OMA1: variants seen among roughly 807,000 people sequenced by gnomAD.
The protein encoded by OMA1 is metalloendopeptidase OMA1, mitochondrial.
OMA1 carries 38 observed loss-of-function variants against 30.9 expected under a neutral mutation model. The observed-to-expected ratio is 1.23, with a 90% CI of 0.95 to 1.61. OMA1 has a LOEUF of 1.61. Among genes scored for constraint, OMA1 ranks in the 40% most tolerant of loss-of-function variants. OMA1 has a pLI of 0.00. For synonymous variants in OMA1, 173 were observed against 121.9 expected (o/e 1.42, Z -2.76); for missense variants, 461 against 349.2 (o/e 1.32, Z -2.55).
rs1199111859 is a variant in OMA1 at position 58,530,625 on chromosome 1, C to G, written c.1116G>C (p.Gln372His). 1 of 872,710 alleles carries G rather than the reference C, an allele frequency of 1.1e-6. No individual in the cohort carries two copies. Among genetic ancestry groups the G allele is most frequent in the Non-Finnish European group, 2.0e-6 (1 of 501,532 alleles). The allele number at this position is 872,710 out of a possible 1,614,324, so 54.1% of individuals were successfully genotyped here. Residue 372 changes from glutamine (Q) to histidine (H), a missense_variant, in exon 6 of 9, where the codon CAG becomes CAC. By Grantham distance (24) the Gln-to-His change is conservative (BLOSUM62 0). Transcript: ENST00000371226. The stretch of plus-strand genomic sequence containing the variant: ...CCTCCTGCAATTTAGACTGTATCCA[C>G]TGGCACAAAAGTGCCAAGCTATCTC... Reference protein sequence around the residue: ...CPRDSLALLCQWIQSKLQEYM... With the variant: ...CPRDSLALLCHWIQSKLQEYM...
chr1:58,531,862 C>T (rs1646439852), intron 5 of OMA1, among the ~76,000 whole-genome samples: 1 of 152,056 alleles, frequency 6.6e-6, no homozygotes, highest in Non-Finnish European at 1.5e-5. Context: ...GTACCCACCA[C>T]CATGCTCAGC....
At chr1:58,492,284 T>C (rs1351381869) in intron 8 of OMA1, among the ~76,000 whole-genome samples, 1 of 152,144 alleles carries the variant, frequency 6.6e-6, no homozygotes, top group East Asian at 1.9e-4. Flanking sequence ...GGGAAATTTA[T>C]AGCACTAAAT....
intron 7 of OMA1, among the ~76,000 whole-genome samples, chr1:58,515,244 G>A (rs781301369): frequency 6.6e-6 from 1 of 152,060 alleles, no homozygotes; most frequent in Non-Finnish European, 1.5e-5. Flanking sequence ...GATAATTTCA[G>A]CTAAGCCATT....
intron 1 of OMA1, among the ~76,000 whole-genome samples, chr1:58,543,123 T>G (rs911934465): frequency 1.2e-4 from 18 of 152,202 alleles, no homozygotes; most frequent in African/African-American, 4.1e-4. Context: ...CCATTGTACT[T>G]CCTACACTTA....
At chr1:58,485,327 T>C (rs1645559659) in intron 8 of OMA1, among the ~76,000 whole-genome samples, 1 of 151,864 alleles carries the variant, frequency 6.6e-6, no homozygotes, top group African/African-American at 2.4e-5. Context: ...TACATGCTTT[T>C]TGTGCTCATG....
intron 8 of OMA1, among the ~76,000 whole-genome samples, chr1:58,494,370 T>G (rs1247196931): frequency 1.3e-4 from 20 of 152,110 alleles, no homozygotes; most frequent in African/African-American, 4.8e-4. Flanking sequence ...AAGGACTTCA[T>G]GTCTAAAACA....
At chr1:58,523,650 A>G (rs1311982130) in intron 7 of OMA1, among the ~76,000 whole-genome samples, 2 of 152,204 alleles carry the variant, frequency 1.3e-5, no homozygotes, top group African/African-American at 4.8e-5. Flanking sequence ...CTGTAATCCC[A>G]GCACTTTGGG....
At chr1:58,509,117 G>C (rs1281826503) in intron 7 of OMA1, among the ~76,000 whole-genome samples, 8 of 152,102 alleles carry the variant, frequency 5.3e-5, no homozygotes, top group Non-Finnish European at 1.0e-4. Context: ...CTAAGAGGTT[G>C]CTGTTTTTTC....
At chr1:58,524,716 T>C (rs573821590) in intron 7 of OMA1, among the ~76,000 whole-genome samples, 1 of 152,186 alleles carries the variant, frequency 6.6e-6, no homozygotes, top group Non-Finnish European at 1.5e-5. Flanking sequence ...AACTCAACTT[T>C]TTCTTGTAAT....
chr1:58,498,410 C>T (rs936809061), intron 8 of OMA1, among the ~76,000 whole-genome samples: 3 of 152,014 alleles, frequency 2.0e-5, no homozygotes, highest in African/African-American at 7.2e-5. Context: ...TTACTACCAC[C>T]TCTATTTCCA....
chr1:58,491,765 C>A (rs1212985805), intron 8 of OMA1, among the ~76,000 whole-genome samples: 2 of 152,196 alleles, frequency 1.3e-5, no homozygotes, highest in Non-Finnish European at 2.9e-5. Context: ...ATTCATAAAG[C>A]AAGTCCTTAG....
In OMA1 at chr1:58,480,868, T is replaced by C. The variant is rs547776525; in HGVS notation, c.*97A>G. On this transcript the variant is annotated 3_prime_UTR_variant, in exon 9 of 9. Coordinates refer to ENST00000371226, the MANE Select transcript of OMA1 (RefSeq NM_145243.5). Reference sequence around the variant, plus strand: ...GTACATGATTTGACCCTGAATATCCTTTTTTTTTTCACTTCAAACATCATT... The same window carrying C: ...GTACATGATTTGACCCTGAATATCCCTTTTTTTTTCACTTCAAACATCATT... 37 of 442,790 alleles carry C rather than the reference T, an allele frequency of 8.4e-5. No homozygotes were observed. The highest frequency in any genetic ancestry group is 4.6e-4 in the South Asian group (13 of 28,512). 27.4% of individuals were successfully genotyped at this position (442,790 alleles called of 1,614,324 possible). A position where few individuals can be genotyped will look rare whatever the true frequency, so the allele number is the denominator to read the frequency against.
chr1:58,540,888 A>G (rs1324249207), intron 1 of OMA1, among the ~76,000 whole-genome samples: 1 of 152,128 alleles, frequency 6.6e-6, no homozygotes, highest in Non-Finnish European at 1.5e-5. Flanking sequence ...ACAAATTCAA[A>G]AAGTTTAACA....
intron 1 of OMA1, among the ~76,000 whole-genome samples, chr1:58,545,238 C>G (rs1452011418): frequency 6.6e-6 from 1 of 152,178 alleles, no homozygotes; most frequent in Non-Finnish European, 1.5e-5. Context: ...CTGCACATGA[C>G]AAGCAAACTC....
At chr1:58,510,408 T>C (rs1053225099) in intron 7 of OMA1, among the ~76,000 whole-genome samples, 7 of 152,022 alleles carry the variant, frequency 4.6e-5, no homozygotes, top group East Asian at 1.9e-4. Context: ...GAAAAAGCAC[T>C]TGACAAAATT....
At chr1:58,544,838 C>T (rs563661196) in intron 1 of OMA1, among the ~76,000 whole-genome samples, 1 of 152,348 alleles carries the variant, frequency 6.6e-6, no homozygotes, top group African/African-American at 2.4e-5. Flanking sequence ...AAGTGATCTG[C>T]TCACCTCGGT....
At chr1:58,530,819 C>T in intron 5 of OMA1, 90 bp from the exon 6 acceptor site, 1 of 727,756 alleles carries the variant, frequency 1.4e-6, no homozygotes, top group Admixed American at 2.1e-5. Flanking sequence ...TTACAATTAC[C>T]TGACCTTCTC....
chr1:58,532,984 C>A (rs1364883077), intron 5 of OMA1, among the ~76,000 whole-genome samples: 5 of 152,184 alleles, frequency 3.3e-5, no homozygotes, highest in African/African-American at 1.2e-4. Context: ...GAATCATTAT[C>A]ATTTCCATTT....
intron 8 of OMA1, among the ~76,000 whole-genome samples, chr1:58,492,216 C>A (rs935079851): frequency 6.6e-6 from 1 of 151,982 alleles, no homozygotes; most frequent in Non-Finnish European, 1.5e-5. Flanking sequence ...TTGAAACCAA[C>A]GAGAACAAAG....
Sources: allele counts gnomAD v4.1 joint callset (sites outside exome capture counted in the v4.1 genomes callset), GRCh38; gene constraint gnomAD v4.1.1; transcripts MANE v1.5; gene names NCBI Gene and HGNC (gene_info 2026-07-23, HGNC 2026-07-21).